Variants in BAIAP2L1 observed in about 807,000 individuals in gnomAD.
BAIAP2L1 encodes BAR/IMD domain-containing adapter protein 2-like 1.
BAIAP2L1 carries 35 observed loss-of-function variants against 66.3 expected under a neutral mutation model. That is an observed-to-expected ratio of 0.53 (90% CI 0.40 to 0.70). The LOEUF (loss-of-function observed/expected upper bound fraction) is 0.70, where lower values mean the gene tolerates loss of function less well. BAIAP2L1 is among the 30% of genes least tolerant of loss of function. The pLI, the probability that BAIAP2L1 is intolerant of heterozygous loss-of-function variation, is 0.00. For missense variants in BAIAP2L1, 622 were observed against 656.9 expected (o/e 0.95, Z 0.58); for synonymous variants, 269 against 248.7 (o/e 1.08, Z -0.77).
At chr7:98,307,527 T>C (rs1036717723) in intron 10 of BAIAP2L1, 162 bp downstream of exon 10, 1 of 1,451,502 alleles carries the variant, frequency 6.9e-7, no homozygotes, top group Non-Finnish European at 9.0e-7. Flanking sequence ...ATACAGAAAA[T>C]AGCCTGGGAT....
At chr7:98,328,770 T>C (rs1801431021) in intron 3 of BAIAP2L1, among the ~76,000 whole-genome samples, 1 of 152,138 alleles carries the variant, frequency 6.6e-6, no homozygotes, top group Non-Finnish European at 1.5e-5. Context: ...CGAGTACTTG[T>C]TTTCTGGAAA....
intron 3 of BAIAP2L1, among the ~76,000 whole-genome samples, chr7:98,324,593 G>C (rs897047788): frequency 2.0e-5 from 3 of 152,152 alleles, no homozygotes; most frequent in African/African-American, 4.8e-5. Flanking sequence ...GGTAGCTCAA[G>C]TCCCAGCACT....
Position 98,326,953 on chromosome 7 carries a change from G to T in BAIAP2L1, c.215-6655C>A, listed in dbSNP as rs563158096. On this transcript the variant is annotated intron_variant, in intron 3 of 13. Transcript: ENST00000005260. ...TCAAAACAAACATAACAAATGAGAGGAAGATGAACACTGTGTGCTGAAATT... is the reference window on the plus strand; with the variant it reads ...TCAAAACAAACATAACAAATGAGAGTAAGATGAACACTGTGTGCTGAAATT... Among the ~76,000 whole-genome samples the T allele has an allele frequency of 5.9e-5, 9 of 152,262 alleles. No individual in the cohort carries two copies. The South Asian group carries it at 1.9e-3, about 32-fold the overall frequency.
At chr7:98,305,526 C>T (rs1288129835) in intron 11 of BAIAP2L1, among the ~76,000 whole-genome samples, 3 of 152,048 alleles carry the variant, frequency 2.0e-5, no homozygotes, top group Non-Finnish European at 2.9e-5. Flanking sequence ...GAACTTCGAT[C>T]CTCCCGCCTC....
chr7:98,371,655 C>A (rs1218119993), intron 1 of BAIAP2L1, among the ~76,000 whole-genome samples: 1 of 152,150 alleles, frequency 6.6e-6, no homozygotes, highest in Non-Finnish European at 1.5e-5. Flanking sequence ...TTTTATAACT[C>A]ATTTTCAAAG....
rs982642350 is a variant in BAIAP2L1 at position 98,291,726 on chromosome 7, C to T, written c.*1795G>A. The stretch of plus-strand genomic sequence containing the variant: ...GAGCAGGCACCTCGGTGCCAAGGAC[C>T]AGGCCATGCCCGTTCTGGTCTGGGA... On this transcript the variant is annotated 3_prime_UTR_variant, in exon 14 of 14. Transcript: ENST00000005260. The T allele has an allele frequency of 1.1e-4, 21 of 192,578 alleles. No individual in the cohort carries two copies. The highest frequency in any genetic ancestry group is 2.7e-3 in the Middle Eastern group (1 of 376). The allele number at this position is 192,578 out of a possible 1,614,324, so 11.9% of individuals were successfully genotyped here.
At chr7:98,301,817 C>T (rs1477165023) in intron 12 of BAIAP2L1, among the ~76,000 whole-genome samples, 2 of 152,070 alleles carry the variant, frequency 1.3e-5, no homozygotes, top group Non-Finnish European at 2.9e-5. Flanking sequence ...GCCTGAAGCT[C>T]GCGGGTGTGA....
At chr7:98,357,878 T>C (rs1802174773) in intron 2 of BAIAP2L1, among the ~76,000 whole-genome samples, 1 of 152,194 alleles carries the variant, frequency 6.6e-6, no homozygotes, top group Non-Finnish European at 1.5e-5. Context: ...CACACAGCTC[T>C]GGCTGGGCAC....
In BAIAP2L1 at chr7:98,355,103, G is replaced by C. The variant is rs182294434; in HGVS notation, c.153C>G (p.Tyr51Ter). The part of the protein sequence containing the change: ...VNAMILAGKA[Y>*]YDGVAKIGEI... ...CACCGATCTTGGCCACTCCATCGTA[G>C]TAGGCTTTTCCTGCCAGGATCATAG... The change falls in exon 3 of 14, where the codon TAC becomes TAG. Residue 51 changes from tyrosine (Y) to a stop codon, truncating the protein, a stop_gained. Transcript: ENST00000005260. LOFTEE classifies it high-confidence loss of function. The C allele has an allele frequency of 6.2e-7, 1 of 1,613,764 alleles. No homozygotes were observed. The highest frequency in any genetic ancestry group is 2.2e-5 in the East Asian group (1 of 44,870).
chr7:98,303,941 C>T (rs930126463), intron 12 of BAIAP2L1, among the ~76,000 whole-genome samples: 19 of 152,300 alleles, frequency 1.2e-4, no homozygotes, highest in African/African-American at 3.6e-4. Context: ...AAACTAGAGG[C>T]GACTGTGTGT....
intron 2 of BAIAP2L1, among the ~76,000 whole-genome samples, chr7:98,359,484 C>T (rs1402131386): frequency 6.6e-6 from 1 of 152,092 alleles, no homozygotes; most frequent in Non-Finnish European, 1.5e-5. Flanking sequence ...TGTTGGCCAG[C>T]CTGGTCTCAA....
In BAIAP2L1 at chr7:98,355,260, C is replaced by T. The variant is rs948179298; in HGVS notation, c.128-132G>A. ...TTTGGGCTGTGGCAGGTGTGGCTCT[C>T]AGGAGGTAAGACCTGTGTTGAGAGT... is the stretch of plus-strand genomic sequence containing the variant. On this transcript the variant is annotated intron_variant, in intron 2 of 13. Coordinates refer to ENST00000005260, the MANE Select transcript of BAIAP2L1 (RefSeq NM_018842.5). 58 of 687,570 alleles carry T rather than the reference C, an allele frequency of 8.4e-5. 1 individual carries two copies. The South Asian group carries it at 9.0e-4, about 11-fold the overall frequency. 42.6% of individuals were successfully genotyped at this position (687,570 alleles called of 1,614,324 possible). A position where few individuals can be genotyped will look rare whatever the true frequency, so the allele number is the denominator to read the frequency against.
intron 11 of BAIAP2L1, 22 bp downstream of exon 11, chr7:98,306,417 G>C (rs1296748358): frequency 6.2e-7 from 1 of 1,613,644 alleles, no homozygotes. Flanking sequence ...CACCGGGAGA[G>C]CTCAGCCACG....
chr7:98,355,280 G>T lies in BAIAP2L1; in HGVS notation c.128-152C>A, dbSNP rs906752602. On this transcript the variant is annotated intron_variant, in intron 2 of 13. Coordinates refer to ENST00000005260, the MANE Select transcript of BAIAP2L1 (RefSeq NM_018842.5). ...GCTCTCAGGAGGTAAGACCTGTGTTGAGAGTGGTGCCGGGGTGGAGGCCCT... is the reference window on the plus strand; with the variant it reads ...GCTCTCAGGAGGTAAGACCTGTGTTTAGAGTGGTGCCGGGGTGGAGGCCCT... 2.3e-5 allele frequency: 15 copies of T among 644,290 alleles called. 1 individual carries two copies. In the Admixed American group the frequency reaches 2.6e-4, roughly 11 times the overall value. The allele number at this position is 644,290 out of a possible 1,614,324, so 39.9% of individuals were successfully genotyped here. A position where few individuals can be genotyped will look rare whatever the true frequency, so the allele number is the denominator to read the frequency against.
chr7:98,329,439 G>A (rs965538788), intron 3 of BAIAP2L1, among the ~76,000 whole-genome samples: 4 of 152,182 alleles, frequency 2.6e-5, no homozygotes, highest in Admixed American at 6.5e-5. Flanking sequence ...CAGTCTTTGC[G>A]GGCGGTCCCC....
chr7:98,384,410 C>T (rs1374243460), intron 1 of BAIAP2L1, among the ~76,000 whole-genome samples: 2 of 152,104 alleles, frequency 1.3e-5, no homozygotes, highest in Non-Finnish European at 2.9e-5. Context: ...ACAGAGTATA[C>T]TAGGCTGTTT....
At chr7:98,390,308 T>C (rs1056853065) in intron 1 of BAIAP2L1, among the ~76,000 whole-genome samples, 2 of 152,160 alleles carry the variant, frequency 1.3e-5, no homozygotes, top group East Asian at 1.9e-4. Context: ...AAATGGGTAA[T>C]TTGCAAACAG....
intron 3 of BAIAP2L1, among the ~76,000 whole-genome samples, chr7:98,331,444 T>TA (rs1438724475): frequency 6.7e-6 from 1 of 148,534 alleles, no homozygotes; most frequent in African/African-American, 2.5e-5. Flanking sequence ...ATTCAAACTG[T>TA]AGACTAGCAA....
chr7:98,379,021 G>A (rs1562790721), intron 1 of BAIAP2L1, among the ~76,000 whole-genome samples: 1 of 152,070 alleles, frequency 6.6e-6, no homozygotes, highest in Non-Finnish European at 1.5e-5. Flanking sequence ...AGTAGAGACT[G>A]GGTTTCACCG....
Sources: allele counts gnomAD v4.1 joint callset (sites outside exome capture counted in the v4.1 genomes callset), GRCh38; gene constraint gnomAD v4.1.1; transcripts MANE v1.5; gene names NCBI Gene and HGNC (gene_info 2026-07-23, HGNC 2026-07-21).